The following IRAK1BP1 variants were observed in gnomAD, a reference collection of about 807,000 sequenced individuals.
The protein encoded by IRAK1BP1 is interleukin-1 receptor-associated kinase 1-binding protein 1.
Under a neutral mutation model 28.0 loss-of-function variants are expected in IRAK1BP1, and 24 were observed. The ratio of observed to expected loss-of-function variants is 0.86; its 90% CI spans 0.62 to 1.20. The LOEUF is 1.20. IRAK1BP1 is among the 50% of genes most tolerant of loss of function. The pLI, the probability that IRAK1BP1 is intolerant of heterozygous loss-of-function variation, is 0.00. For synonymous variants in IRAK1BP1, 131 were observed against 116.3 expected (o/e 1.13, Z -0.81); for missense variants, 336 against 316.7 (o/e 1.06, Z -0.46).
chr6:78,870,672 A>G (rs565891282), intron 1 of IRAK1BP1, among the ~76,000 whole-genome samples: 8 of 152,294 alleles, frequency 5.3e-5, no homozygotes, highest in Admixed American at 4.6e-4. Context: ...TCAACCAACA[A>G]ACATTAAGCC....
At chr6:78,935,606 C>G in intron 4 of IRAK1BP1, 3 of 977,372 alleles carry the variant, frequency 3.1e-6, no homozygotes, top group Non-Finnish European at 3.6e-6. Context: ...TAAATGTACA[C>G]ATAAAAAGGC....
At chr6:78,928,835 C>G (rs1030305270) in intron 4 of IRAK1BP1, among the ~76,000 whole-genome samples, 23 of 152,070 alleles carry the variant, frequency 1.5e-4, no homozygotes, top group Non-Finnish European at 4.4e-5. Flanking sequence ...ATATGTTGAC[C>G]TATCCTTCCA....
chr6:78,877,224 A>T (rs959431608), intron 1 of IRAK1BP1, among the ~76,000 whole-genome samples: 1 of 151,994 alleles, frequency 6.6e-6, no homozygotes, highest in African/African-American at 2.4e-5. Flanking sequence ...AAAGAATGTT[A>T]ATTATTTCTT....
At chr6:78,975,443 A>G in the IRAK1BP1 span, among the ~76,000 whole-genome samples, 2 of 152,344 alleles carry the variant, frequency 1.3e-5, no homozygotes, top group East Asian at 3.9e-4. Flanking sequence ...AACTGGAAGC[A>G]TTCCCTTTGA....
the IRAK1BP1 span, chr6:78,970,266 A>C: frequency 9.5e-7 from 1 of 1,051,830 alleles, no homozygotes; most frequent in Non-Finnish European, 1.4e-6. Flanking sequence ...TCTTGGTTTA[A>C]ATCTTGATCT....
chr6:78,919,392 A>G (rs557838538), intron 4 of IRAK1BP1, among the ~76,000 whole-genome samples: 4 of 152,332 alleles, frequency 2.6e-5, no homozygotes, highest in Non-Finnish European at 4.4e-5. Flanking sequence ...TACAGAATCA[A>G]TGAGACCCAA....
chr6:78,977,756 G>A, the IRAK1BP1 span, among the ~76,000 whole-genome samples: 30 of 152,146 alleles, frequency 2.0e-4, no homozygotes, highest in African/African-American at 7.2e-4. Context: ...TCACAACAAT[G>A]TGGTAATGTT....
At position 78,877,678 on chromosome 6, in the gene IRAK1BP1, G is replaced by A. The variant is rs147480891; in HGVS notation, c.316-7700G>A. 5.7e-3 allele frequency among the ~76,000 whole-genome samples: 870 copies of A among 152,302 alleles called. 6 individuals are homozygous for A. Among genetic ancestry groups the A allele is most frequent in the African/African-American group, 0.02 (836 of 41,568 alleles). ...GGGTGCAGCCCATGGAGCGTGAGCC[G>A]AAGCAGGGCGAGGCATCACCTTACC... On this transcript the variant is annotated intron_variant, in intron 1 of 3. Transcript: ENST00000369940.
At chr6:78,868,510 G>A (rs1467587574) in intron 1 of IRAK1BP1, among the ~76,000 whole-genome samples, 1 of 152,114 alleles carries the variant, frequency 6.6e-6, no homozygotes, top group Non-Finnish European at 1.5e-5. Flanking sequence ...CCAGTATTGT[G>A]GATACCACAT....
In IRAK1BP1 at chr6:78,902,951, C is replaced by A; in HGVS notation, c.*4617C>A. On this transcript the variant is annotated 3_prime_UTR_variant, in exon 4 of 4. Transcript: ENST00000369940. The stretch of plus-strand genomic sequence containing the variant: ...GTTTTCTACTATTAAAACAATAAAA[C>A]TCTTATAAACCTGTTTATCAGAAGG... 1 of 1,018,908 alleles carries A rather than the reference C, an allele frequency of 9.8e-7. No homozygotes were observed. The highest frequency in any genetic ancestry group is 1.5e-6 in the Non-Finnish European group (1 of 688,468). The allele number at this position is 1,018,908 out of a possible 1,614,324, so 63.1% of individuals were successfully genotyped here. A position where few individuals can be genotyped will look rare whatever the true frequency, so the allele number is the denominator to read the frequency against.
intron 4 of IRAK1BP1, chr6:78,941,262 T>C (rs754726387): frequency 1.2e-6 from 2 of 1,613,728 alleles, no homozygotes; most frequent in East Asian, 4.5e-5. Flanking sequence ...TTCACAAGTT[T>C]TGATGGCTGT....
chr6:78,887,109 C>T (rs144327805), intron 2 of IRAK1BP1, among the ~76,000 whole-genome samples: 3 of 152,256 alleles, frequency 2.0e-5, no homozygotes, highest in African/African-American at 4.8e-5. Flanking sequence ...TAATGTATAA[C>T]ACATACCAGT....
At chr6:78,945,312 C>T (rs777273493) in intron 4 of IRAK1BP1, 1 of 1,608,970 alleles carries the variant, frequency 6.2e-7, no homozygotes, top group Non-Finnish European at 8.5e-7. Flanking sequence ...TGCTCAATGA[C>T]AGCTGATGAC....
chr6:78,880,729 C>G (rs1771199069), intron 1 of IRAK1BP1, among the ~76,000 whole-genome samples: 1 of 152,178 alleles, frequency 6.6e-6, no homozygotes, highest in Non-Finnish European at 1.5e-5. Flanking sequence ...TCTTAACAGA[C>G]ACTTCGCCAA....
downstream of IRAK1BP1, among the ~76,000 whole-genome samples, chr6:78,905,388 T>C (rs915469755): frequency 6.6e-6 from 1 of 152,184 alleles, no homozygotes; most frequent in African/African-American, 2.4e-5. Context: ...GTAGCCCTGA[T>C]GACAGGAAAA....
chr6:78,881,924 A>G (rs1771243651), intron 1 of IRAK1BP1, among the ~76,000 whole-genome samples: 1 of 152,168 alleles, frequency 6.6e-6, no homozygotes, highest in South Asian at 2.1e-4. Context: ...AGTTGAAAAC[A>G]TCAGTGTGAA....
At chr6:78,941,534 G>T (rs923455841) in intron 4 of IRAK1BP1, among the ~76,000 whole-genome samples, 2 of 152,028 alleles carry the variant, frequency 1.3e-5, no homozygotes, top group African/African-American at 4.8e-5. Context: ...GATTCTTAAC[G>T]ATCTCATGAG....
the IRAK1BP1 span, chr6:78,958,703 C>A: frequency 1.4e-6 from 1 of 733,430 alleles, no homozygotes; most frequent in South Asian, 1.6e-5. Flanking sequence ...CAGTCTAAAC[C>A]AACTGTAAAA....
chr6:78,969,711 C>A, the IRAK1BP1 span: 2 of 522,580 alleles, frequency 3.8e-6, no homozygotes, highest in Non-Finnish European at 6.7e-6. Context: ...TTGCTATTAA[C>A]ATTCCTACAA....
Sources: allele counts gnomAD v4.1 joint callset (sites outside exome capture counted in the v4.1 genomes callset), GRCh38; gene constraint gnomAD v4.1.1; transcripts MANE v1.5; gene names NCBI Gene and HGNC (gene_info 2026-07-23, HGNC 2026-07-21).